The following CCDC39 variants were observed in gnomAD, a reference collection of about 807,000 sequenced individuals.
CCDC39 encodes coiled-coil domain-containing protein 39.
A neutral mutation model predicts 121.0 loss-of-function variants in CCDC39; 113 were observed. The ratio of observed to expected loss-of-function variants is 0.93; its 90% confidence interval spans 0.80 to 1.09. The LOEUF (loss-of-function observed/expected upper bound fraction) is 1.09, where lower values mean the gene tolerates loss of function less well. Ranked by LOEUF, CCDC39 falls within the 50% of genes least tolerant of loss-of-function variation. The pLI, the probability that CCDC39 is intolerant of heterozygous loss-of-function variation, is 0.00. For synonymous variants in CCDC39, 349 were observed against 352.2 expected (o/e 0.99, Z 0.10); for missense variants, 1,063 against 1,074.7 (o/e 0.99, Z 0.15).
intron 14 of CCDC39, among the ~76,000 whole-genome samples, chr3:180,626,385 G>A (rs769113462): frequency 1.8e-4 from 28 of 152,136 alleles, no homozygotes; most frequent in Non-Finnish European, 3.8e-4. Flanking sequence ...AGTCAAAGGT[G>A]GGGTGGTTCC....
rs886125165 is a variant in CCDC39, at chr3:180,631,379, T to C, written c.1998+90A>G. On this transcript the variant is annotated intron_variant, in intron 14 of 19. Coordinates refer to ENST00000476379, the MANE Select transcript of CCDC39 (RefSeq NM_181426.2). ...TCATGGAGGGAAAGTTGCAATATTG[T>C]TGTTTTTTTATTTAAATTCAGAGGA... The C allele has an allele frequency of 6.5e-6, 8 of 1,228,710 alleles. No homozygotes were observed. The African/African-American group carries it at 1.2e-4, about 19-fold the overall frequency. The allele number at this position is 1,228,710 out of a possible 1,614,324, so 76.1% of individuals were successfully genotyped here.
intron 19 of CCDC39, 45 bp from the exon 20 acceptor site, chr3:180,615,122 T>C: frequency 7.1e-7 from 1 of 1,415,450 alleles, no homozygotes; most frequent in Non-Finnish European, 9.5e-7. Context: ...AAGTTTATAT[T>C]TTAGTATAGA....
At chr3:180,631,215 A>C (rs1717686005) in intron 14 of CCDC39, among the ~76,000 whole-genome samples, 1 of 152,190 alleles carries the variant, frequency 6.6e-6, no homozygotes, top group Non-Finnish European at 1.5e-5. Context: ...AGTTTTGGGA[A>C]TCAGAGGGCA....
chr3:180,616,877 T>C lies in CCDC39; in HGVS notation c.2355A>G (p.Leu785=). 6.3e-7 allele frequency: 1 copy of C among 1,599,780 alleles called. No homozygotes were observed. The highest frequency in any genetic ancestry group is 8.6e-7 in the Non-Finnish European group (1 of 1,168,296). The change falls in exon 17 of 20, where the codon CTA becomes CTG. Residue 785 remains leucine, a synonymous_variant. Coordinates refer to ENST00000476379, the MANE Select transcript of CCDC39 (RefSeq NM_181426.2). ...LSEKQAYSFQ[L]SKETEEQKPK... ...GCTTCTGCTCCTCCGTTTCTTTACT[T>C]AGTTGAAATGAATAAGCCTGCTTCT...
chr3:180,629,214 T>G (rs1192698449), intron 14 of CCDC39, among the ~76,000 whole-genome samples: 2 of 152,246 alleles, frequency 1.3e-5, no homozygotes. Context: ...GATTTTATAT[T>G]ATAGACATGT....
At chr3:180,615,382 C>T (rs967609394) in intron 19 of CCDC39, among the ~76,000 whole-genome samples, 33 of 151,796 alleles carry the variant, frequency 2.2e-4, no homozygotes, top group Admixed American at 3.9e-4. Flanking sequence ...TTGAAAGTTT[C>T]CAAAACAGAG....
In CCDC39 at chr3:180,654,729, A is replaced by G; in HGVS notation, c.930+33T>C. ...TATATTTTATAGTGATTTGTCGTGA[A>G]CATACAAGCCAGTCTTTTTTGAGTT... On this transcript the variant is annotated intron_variant, in intron 7 of 19. Transcript: ENST00000476379. 2.0e-6 allele frequency: 3 copies of G among 1,474,862 alleles called. No homozygotes were observed. The South Asian group carries it at 3.8e-5, about 18-fold the overall frequency. The allele number at this position is 1,474,862 out of a possible 1,614,324, so 91.4% of individuals were successfully genotyped here. A position where few individuals can be genotyped will look rare whatever the true frequency, so the allele number is the denominator to read the frequency against.
intron 10 of CCDC39, among the ~76,000 whole-genome samples, chr3:180,647,755 T>C (rs1718106550): frequency 6.6e-6 from 1 of 151,478 alleles, no homozygotes; most frequent in African/African-American, 2.4e-5. Context: ...CACAAATATA[T>C]AAATAGAACA....
chr3:180,646,127 T>C (rs1718061804), intron 11 of CCDC39, among the ~76,000 whole-genome samples: 1 of 152,080 alleles, frequency 6.6e-6, no homozygotes, highest in African/African-American at 2.4e-5. Context: ...GCTCAGAAAA[T>C]TTAAAACAGC....
chr3:180,636,205 C>T (rs1257089195), intron 13 of CCDC39, among the ~76,000 whole-genome samples: 1 of 152,120 alleles, frequency 6.6e-6, no homozygotes, highest in Admixed American at 6.6e-5. Flanking sequence ...CTAGAAAACC[C>T]CATAGTCTCA....
intron 1 of CCDC39, among the ~76,000 whole-genome samples, chr3:180,671,671 C>A (rs1266363476): frequency 5.9e-5 from 9 of 152,056 alleles, no homozygotes; most frequent in Non-Finnish European, 1.0e-4. Context: ...AGCGATTGTC[C>A]TTCCTCAGCC....
chr3:180,632,063 T>C (rs1478968135), intron 13 of CCDC39, among the ~76,000 whole-genome samples: 1 of 152,196 alleles, frequency 6.6e-6, no homozygotes, highest in Non-Finnish European at 1.5e-5. Flanking sequence ...AACAGTAGAT[T>C]TGCATCACAG....
intron 1 of CCDC39, among the ~76,000 whole-genome samples, chr3:180,668,643 A>T (rs967793748): frequency 1.3e-5 from 2 of 152,198 alleles, no homozygotes; most frequent in African/African-American, 4.8e-5. Flanking sequence ...ACAATTAGTA[A>T]CTATGTTTCT....
In CCDC39 at chr3:180,614,995, C is replaced by T; in HGVS notation, c.2752G>A (p.Val918Ile). The change falls in exon 20 of 20, where the codon GTA becomes ATA. Residue 918 changes from valine (V) to isoleucine (I), a missense_variant. By Grantham distance (29) the Val-to-Ile change is conservative. Transcript: ENST00000476379. ...ELKFPASSSL[V>I]GSPSRPSSAS... is the part of the protein sequence containing the mutation. ...CTAGATGGCCTAGAAGGGCTGCCTACTAGTGAAGAGGAGGCCGGGAATTTA... is the reference window on the plus strand; with the variant it reads ...CTAGATGGCCTAGAAGGGCTGCCTATTAGTGAAGAGGAGGCCGGGAATTTA... 2 of 1,564,154 alleles carry T rather than the reference C, an allele frequency of 1.3e-6. No individual in the cohort carries two copies. The highest frequency in any genetic ancestry group is 2.4e-5 in the South Asian group (2 of 84,874).
Position 180,642,131 on chromosome 3 carries a change from G to A in CCDC39, c.1736C>T (p.Ala579Val), listed in dbSNP as rs776585685. ...KRTREMLHSK[A>V]EEVLSLEKRK... ...TTTTTCTAGGGAAAGAACTTCTTCTGCCTTACTGTGAAGCATTTCTCGAGT... is the reference window on the plus strand; with the variant it reads ...TTTTTCTAGGGAAAGAACTTCTTCTACCTTACTGTGAAGCATTTCTCGAGT... Residue 579 changes from alanine to valine, a missense_variant, in exon 13 of 20, where the codon GCA (alanine) becomes GTA (valine). Coordinates refer to ENST00000476379, the MANE Select transcript of CCDC39 (RefSeq NM_181426.2). The A allele has an allele frequency of 6.2e-7, 1 of 1,612,298 alleles. No homozygotes were observed. The highest frequency in any genetic ancestry group is 8.5e-7 in the Non-Finnish European group (1 of 1,178,792).
chr3:180,654,851 T>A lies in CCDC39; in HGVS notation c.841A>T (p.Lys281Ter). 2.5e-6 allele frequency: 4 copies of A among 1,609,532 alleles called. No homozygotes were observed. Among genetic ancestry groups the A allele is most frequent in the Non-Finnish European group, 3.4e-6 (4 of 1,178,200 alleles). ...SEIGNNTEFE[K>*]RISVADRKLL... ...TTACGATCAGCCACAGAAATTCTTT[T>A]CTCAAACTCTGTGTTATTCCCAATC... Residue 281 changes from lysine (K) to a stop codon, truncating the protein, a stop_gained, in exon 7 of 20, where the codon AAA (lysine) becomes TAA (stop). Coordinates refer to ENST00000476379, the MANE Select transcript of CCDC39 (RefSeq NM_181426.2). LOFTEE classifies it high-confidence loss of function.
Position 180,659,577 on chromosome 3 carries a change from C to A in CCDC39, c.613G>T (p.Glu205Ter). The A allele has an allele frequency of 1.2e-6, 2 of 1,611,938 alleles. No homozygotes were observed. Among genetic ancestry groups the A allele is most frequent in the Non-Finnish European group, 8.5e-7 (1 of 1,178,996 alleles). ...ELTETISAQL[E>*]LDKAAQDFRK... ...AAATCTTGTGCTGCTTTATCCAATT[C>A]TAACTGTCAAACAGAGAGCAAAGAA... Residue 205 changes from glutamate to a stop codon, truncating the protein, a stop_gained, in exon 6 of 20, where the codon GAA (glutamate) becomes TAA (stop). Transcript: ENST00000476379. LOFTEE classifies it high-confidence loss of function.
intron 2 of CCDC39, 99 bp from the exon 3 acceptor site, chr3:180,662,106 A>T: frequency 8.4e-7 from 1 of 1,190,906 alleles, no homozygotes; most frequent in Non-Finnish European, 1.2e-6. Context: ...AAGTTCCCAT[A>T]AATTGCTTAC....
intron 12 of CCDC39, 77 bp downstream of exon 12, chr3:180,644,043 C>G (rs969631070): frequency 3.8e-6 from 4 of 1,048,478 alleles, no homozygotes; most frequent in South Asian, 3.4e-5. Context: ...TCATAATTTG[C>G]TATATTTTTT....
Sources: gnomAD v4.1 joint callset for allele counts (sites outside exome capture counted in the v4.1 genomes callset) on GRCh38, gnomAD v4.1.1 for gene constraint, MANE v1.5 for transcripts, NCBI Gene and HGNC (gene_info 2026-07-23, HGNC 2026-07-21) for gene names.